Variants in DNAL1 observed in about 807,000 individuals in gnomAD.
The protein encoded by DNAL1 is dynein axonemal light chain 1.
A neutral mutation model predicts 29.4 loss-of-function variants in DNAL1; 17 were observed. The observed-to-expected ratio is 0.58, with a 90% CI of 0.40 to 0.87. The LOEUF is 0.87. DNAL1 is among the 40% of genes least tolerant of loss of function. The pLI is 0.00. For synonymous variants in DNAL1, 78 were observed against 76.3 expected (o/e 1.02, Z -0.12); for missense variants, 188 against 214.1 (o/e 0.88, Z 0.76).
intron 7 of DNAL1, among the ~76,000 whole-genome samples, chr14:73,695,114 G>A (rs1855798782): frequency 1.4e-5 from 2 of 140,114 alleles, no homozygotes; most frequent in Non-Finnish European, 3.0e-5. Flanking sequence ...GGAGTGCAGT[G>A]GCATAATTAC....
At chr14:73,658,733 T>G (rs1344699458) in intron 2 of DNAL1, 114 bp from the exon 3 acceptor site, 2 of 700,100 alleles carry the variant, frequency 2.9e-6, no homozygotes, top group Non-Finnish European at 4.6e-6. Flanking sequence ...AACAGTTTGC[T>G]AAATTCTAGC....
chr14:73,693,134 T>C (rs1892216743), intron 7 of DNAL1, among the ~76,000 whole-genome samples: 2 of 152,072 alleles, frequency 1.3e-5, no homozygotes, highest in African/African-American at 4.8e-5. Flanking sequence ...GCGCCCAGCC[T>C]AAAGCTGAGG....
chr14:73,687,827 C>T (rs1892057620), intron 6 of DNAL1, among the ~76,000 whole-genome samples: 2 of 152,096 alleles, frequency 1.3e-5, no homozygotes, highest in African/African-American at 2.4e-5. Flanking sequence ...GAGCCGAGAT[C>T]GCGCCGCTGC....
chr14:73,658,443 CAT>C (rs1891264609), intron 2 of DNAL1, among the ~76,000 whole-genome samples: 1 of 152,036 alleles, frequency 6.6e-6, no homozygotes, highest in Non-Finnish European at 1.5e-5. Flanking sequence ...TGAAAAATGA[CAT>C]TGGTATTTTG....
In DNAL1 at chr14:73,689,437, T is replaced by C. The variant is rs1255716082; in HGVS notation, c.454T>C (p.Leu152=). The C allele has an allele frequency of 1.3e-6, 2 of 1,561,308 alleles. No homozygotes were observed. Among genetic ancestry groups the C allele is most frequent in the Non-Finnish European group, 1.7e-6 (2 of 1,152,346 alleles). The change falls in exon 7 of 8, where the codon TTG becomes CTG. Residue 152 remains leucine, a synonymous_variant. Coordinates refer to ENST00000553645, the MANE Select transcript of DNAL1 (RefSeq NM_031427.4). ...LEDLVFVGNP[L]EEKHSAENNW... ...AGACCTGGTGTTTGTAGGCAATCCC[T>C]TGGAAGAGAAACATTCTGCTGAGAA... is the stretch of plus-strand genomic sequence containing the variant.
chr14:73,657,879 A>G (rs895721855), intron 2 of DNAL1, among the ~76,000 whole-genome samples: 2 of 152,188 alleles, frequency 1.3e-5, no homozygotes, highest in Non-Finnish European at 2.9e-5. Context: ...ACAGGCGTGC[A>G]CCACTACGCC....
chr14:73,681,624 AAAAAAAAAAATAT>A (rs1891883845), intron 5 of DNAL1, among the ~76,000 whole-genome samples: 1 of 49,196 alleles, frequency 2.0e-5, no homozygotes, highest in African/African-American at 6.6e-5. Flanking sequence ...AAAAAAAAAA[AAAAAAAAAAATAT>A]ATATATATAT....
chr14:73,654,936 T>C, intron 2 of DNAL1, 51 bp downstream of exon 2: 1 of 1,508,312 alleles, frequency 6.6e-7, no homozygotes, highest in Non-Finnish European at 8.9e-7. Context: ...GGAAAAATTT[T>C]GGATAGTTAT....
In DNAL1 at chr14:73,696,067, T is replaced by C; in HGVS notation, c.*125T>C. On this transcript the variant is annotated 3_prime_UTR_variant, in exon 8 of 8. Coordinates refer to ENST00000553645, the MANE Select transcript of DNAL1 (RefSeq NM_031427.4). ...AGTTTCTTAAGATAAAACAGATCAC[T>C]CATTCTCATCTTTTTTTTTCCTTTA... The C allele has an allele frequency of 2.3e-6, 2 of 873,554 alleles. No individual in the cohort carries two copies. The highest frequency in any genetic ancestry group is 1.7e-6 in the Non-Finnish European group (1 of 584,404). 54.1% of individuals were successfully genotyped at this position (873,554 alleles called of 1,614,324 possible). A position where few individuals can be genotyped will look rare whatever the true frequency, so the allele number is the denominator to read the frequency against.
At chr14:73,680,685 TAC>T (rs1360283851) in intron 5 of DNAL1, among the ~76,000 whole-genome samples, 2 of 152,212 alleles carry the variant, frequency 1.3e-5, no homozygotes, top group African/African-American at 4.8e-5. Context: ...TATTTTGAAA[TAC>T]AGTCATGCAT....
At chr14:73,649,369 G>A (rs988319279) in intron 1 of DNAL1, among the ~76,000 whole-genome samples, 2 of 150,308 alleles carry the variant, frequency 1.3e-5, no homozygotes, top group African/African-American at 2.5e-5. Context: ...GGCAAGCTCC[G>A]CCTCCCGGGT....
rs1892438977 is a variant in DNAL1 at position 73,701,666 on chromosome 14, G to A, written c.*5724G>A. 6.6e-6 allele frequency: 1 copy of A among 152,258 alleles called. No homozygotes were observed. The highest frequency in any genetic ancestry group is 1.5e-5 in the Non-Finnish European group (1 of 68,050). 9.4% of individuals were successfully genotyped at this position (152,258 alleles called of 1,614,324 possible). ...ATCACTCCCATCAAAAGACTGGTGA[G>A]TTGGAAGCTAAGAGCACATGCGCAT... On this transcript the variant is annotated 3_prime_UTR_variant, in exon 8 of 8. Coordinates refer to ENST00000553645, the MANE Select transcript of DNAL1 (RefSeq NM_031427.4).
At chr14:73,650,441 C>T (rs1353154164) in intron 1 of DNAL1, among the ~76,000 whole-genome samples, 4 of 151,974 alleles carry the variant, frequency 2.6e-5, no homozygotes, top group Non-Finnish European at 4.4e-5. Context: ...ATCATCTGCT[C>T]CTTCTAATAG....
intron 6 of DNAL1, 35 bp downstream of exon 6, chr14:73,687,420 C>T (rs1015725752): frequency 1.3e-6 from 2 of 1,508,216 alleles, no homozygotes; most frequent in Non-Finnish European, 1.8e-6. Flanking sequence ...AACCTTCTAC[C>T]GCCTGTTTAT....
chr14:73,649,434 C>T (rs1160307343), intron 1 of DNAL1, among the ~76,000 whole-genome samples: 2 of 151,710 alleles, frequency 1.3e-5, no homozygotes, highest in African/African-American at 4.8e-5. Flanking sequence ...AGGCGCCTGC[C>T]ACCACGCCCG....
In DNAL1 at chr14:73,667,244, T is replaced by A. The variant is rs114768720; in HGVS notation, c.209-4298T>A. On this transcript the variant is annotated intron_variant, in intron 4 of 7. Transcript: ENST00000553645. ...TAGGATGCCCAGACAGGTGGATCAC[T>A]TGAGGCTAGGACTTCAAGACCAGCC... Among the ~76,000 whole-genome samples the A allele has an allele frequency of 8.2e-3, 1,220 of 149,626 alleles. 21 individuals carry two copies. Among genetic ancestry groups the A allele is most frequent in the African/African-American group, 0.028 (1,157 of 40,920 alleles).
intron 5 of DNAL1, among the ~76,000 whole-genome samples, chr14:73,679,010 T>C (rs915716465): frequency 2.6e-5 from 4 of 152,198 alleles, no homozygotes; most frequent in African/African-American, 7.2e-5. Context: ...TTTATTTATT[T>C]TTTTGAGACG....
intron 1 of DNAL1, among the ~76,000 whole-genome samples, chr14:73,649,444 G>A (rs1891063625): frequency 1.3e-5 from 2 of 151,266 alleles, no homozygotes; most frequent in Admixed American, 6.6e-5. Flanking sequence ...CACCACGCCC[G>A]GCACATTTTT....
At chr14:73,668,873 C>T (rs1165269085) in intron 4 of DNAL1, among the ~76,000 whole-genome samples, 6 of 151,796 alleles carry the variant, frequency 4.0e-5, no homozygotes, top group African/African-American at 1.5e-4. Flanking sequence ...GACAGGGTTT[C>T]GCCATGTTGG....
Sources: gnomAD v4.1 joint callset for allele counts (sites outside exome capture counted in the v4.1 genomes callset) on GRCh38, gnomAD v4.1.1 for gene constraint, MANE v1.5 for transcripts, NCBI Gene and HGNC (gene_info 2026-07-23, HGNC 2026-07-21) for gene names.